The following ALG9 variants were observed in gnomAD, a reference collection of about 807,000 sequenced individuals.
The protein encoded by ALG9 is alpha-1,2-mannosyltransferase ALG9.
ALG9 carries 55 observed loss-of-function variants against 81.8 expected under a neutral mutation model. That is an observed-to-expected ratio of 0.67 (90% CI 0.54 to 0.84). The LOEUF is 0.84. Among genes scored for constraint, ALG9 ranks in the 40% least tolerant of loss-of-function variants. ALG9 has a pLI of 0.00. For synonymous variants in ALG9, 278 were observed against 274.3 expected, an observed-to-expected ratio of 1.01 and a Z score of -0.13; for missense variants, 629 against 745.0, an observed-to-expected ratio of 0.84 and a Z score of 1.81.
Position 111,785,390 on chromosome 11 carries a change from C to A in ALG9, c.*1007G>T, listed in dbSNP as rs1946359919. The A allele has an allele frequency of 6.6e-6, 1 of 152,500 alleles. No homozygotes were observed. The highest frequency in any genetic ancestry group is 6.5e-5 in the Admixed American group (1 of 15,292). 9.4% of individuals were successfully genotyped at this position (152,500 alleles called of 1,614,324 possible). A position where few individuals can be genotyped will look rare whatever the true frequency, so the allele number is the denominator to read the frequency against. On this transcript the variant is annotated 3_prime_UTR_variant, in exon 15 of 15. Coordinates refer to ENST00000616540, the MANE Select transcript of ALG9 (RefSeq NM_024740.2). ...TATCACATTTTAATTAGGTCCTTAT[C>A]ATTGCCTATTTGACTAGAAGTGCCC...
chr11:111,864,138 T>G, intron 4 of ALG9: 1 of 499,142 alleles, frequency 2.0e-6, no homozygotes, highest in Non-Finnish European at 3.6e-6. Context: ...TATTGAAAAA[T>G]AAAAATTAAA....
chr11:111,864,956 T>C (rs1241267765), intron 4 of ALG9, among the ~76,000 whole-genome samples: 2 of 152,144 alleles, frequency 1.3e-5, no homozygotes, highest in African/African-American at 2.4e-5. Context: ...TTTGTATTTT[T>C]AGTAGAGATG....
At chr11:111,772,341 G>A in the ALG9 span, among the ~76,000 whole-genome samples, 11 of 152,306 alleles carry the variant, frequency 7.2e-5, no homozygotes, top group East Asian at 1.2e-3. Flanking sequence ...TGGGAGAATC[G>A]CTTGAGCCTG....
intron 4 of ALG9, among the ~76,000 whole-genome samples, chr11:111,862,564 A>AT (rs1209806909): frequency 6.7e-6 from 1 of 150,258 alleles, no homozygotes; most frequent in African/African-American, 2.4e-5. Context: ...CCTTTTCTAT[A>AT]TTACCTTTTT....
downstream of ALG9, chr11:111,778,406 T>C (rs1471374762): frequency 9.9e-5 from 15 of 152,220 alleles, no homozygotes; most frequent in African/African-American, 3.1e-4. Context: ...AGAACTACAG[T>C]TAATTATTAA....
intron 6 of ALG9, among the ~76,000 whole-genome samples, chr11:111,854,859 C>T (rs1339515939): frequency 6.6e-6 from 1 of 152,212 alleles, no homozygotes. Flanking sequence ...AAAATATCAG[C>T]AGTATCTAGC....
At chr11:111,871,304 C>G in intron 1 of ALG9, 48 bp downstream of exon 1, 2 of 1,381,090 alleles carry the variant, frequency 1.4e-6, no homozygotes. Context: ...GGGGCAGCCC[C>G]GAACCGCCCC....
chr11:111,778,279 A>G (rs1010487296), downstream of ALG9: 3 of 152,242 alleles, frequency 2.0e-5, no homozygotes, highest in Non-Finnish European at 4.4e-5. Context: ...CCACCTGATC[A>G]ATCATTCAAT....
the ALG9 span, among the ~76,000 whole-genome samples, chr11:111,772,187 A>T: frequency 6.6e-6 from 1 of 152,228 alleles, no homozygotes; most frequent in East Asian, 1.9e-4. Flanking sequence ...GCACTTTGGG[A>T]AGTCCAGGTG....
intron 4 of ALG9, among the ~76,000 whole-genome samples, chr11:111,862,370 GC>G (rs2137173045): frequency 6.6e-6 from 1 of 151,676 alleles, no homozygotes; most frequent in Non-Finnish European, 1.5e-5. Flanking sequence ...AGTAGCTGGG[GC>G]TATAGGCATG....
chr11:111,824,352 G>T (rs185024250), intron 13 of ALG9, among the ~76,000 whole-genome samples: 2 of 152,064 alleles, frequency 1.3e-5, no homozygotes, highest in Non-Finnish European at 2.9e-5. Flanking sequence ...GAGTTAAGTC[G>T]ACATATATAC....
intron 8 of ALG9, among the ~76,000 whole-genome samples, chr11:111,849,100 G>A (rs1957360502): frequency 1.3e-5 from 2 of 151,824 alleles, no homozygotes; most frequent in African/African-American, 2.4e-5. Context: ...GCCCAGGCTG[G>A]AGTGCAGTCG....
At chr11:111,870,109 T>C (rs1963822027) in intron 2 of ALG9, 123 bp downstream of exon 2, 1 of 1,213,912 alleles carries the variant, frequency 8.2e-7, no homozygotes, top group Non-Finnish European at 1.1e-6. Context: ...TTTGTTTTTT[T>C]TTTTAAGAAA....
downstream of ALG9, among the ~76,000 whole-genome samples, chr11:111,781,106 G>A (rs1836989944): frequency 6.6e-6 from 1 of 152,148 alleles, no homozygotes; most frequent in Admixed American, 6.5e-5. Context: ...TTAAAGTTGT[G>A]GACTTCTCCT....
Position 111,797,329 on chromosome 11 carries a change from G to C in ALG9, c.1734-10809C>G, listed in dbSNP as rs1274554087. 2.0e-5 allele frequency among the ~76,000 whole-genome samples: 3 copies of C among 152,250 alleles called. No homozygotes were observed. In the East Asian group the frequency reaches 5.8e-4, roughly 29 times the overall value. On this transcript the variant is annotated intron_variant, in intron 14 of 14. Transcript: ENST00000616540. ...GCCACCATGCTATAAGGAAGCCCAAGCCACATAAAGAAGACACATAGGTGT... is the reference window on the plus strand; with the variant it reads ...GCCACCATGCTATAAGGAAGCCCAACCCACATAAAGAAGACACATAGGTGT...
intron 14 of ALG9, among the ~76,000 whole-genome samples, chr11:111,797,638 C>T (rs1417109909): frequency 6.6e-6 from 1 of 152,246 alleles, no homozygotes; most frequent in Non-Finnish European, 1.5e-5. Flanking sequence ...TCACTCCAGT[C>T]GTCTTATCTT....
chr11:111,819,293 A>G (rs77002959), intron 13 of ALG9, among the ~76,000 whole-genome samples: 5,703 of 152,354 alleles, frequency 0.037, 358 homozygotes, highest in African/African-American at 0.13. Flanking sequence ...GCATTCAATC[A>G]TCTATCAGCT....
intron 13 of ALG9, among the ~76,000 whole-genome samples, chr11:111,828,076 G>T (rs1322476846): frequency 2.0e-5 from 3 of 151,852 alleles, no homozygotes; most frequent in Admixed American, 1.3e-4. Context: ...TGTAACCCCA[G>T]CTAGCCACTC....
At chr11:111,810,352 T>C (rs1445972938) in intron 13 of ALG9, among the ~76,000 whole-genome samples, 1 of 152,228 alleles carries the variant, frequency 6.6e-6, no homozygotes, top group Non-Finnish European at 1.5e-5. Context: ...TAATACTATG[T>C]ATTACATTAA....
Sources: allele counts gnomAD v4.1 joint callset (sites outside exome capture counted in the v4.1 genomes callset), GRCh38; gene constraint gnomAD v4.1.1; transcripts MANE v1.5; gene names NCBI Gene and HGNC (gene_info 2026-07-23, HGNC 2026-07-21).